The following LEKR1 variants were observed in gnomAD, a reference collection of about 807,000 sequenced individuals.
The protein encoded by LEKR1 is leucine, glutamate and lysine rich 1.
Under a neutral mutation model 72.4 loss-of-function variants are expected in LEKR1, and 59 were observed. The ratio of observed to expected loss-of-function variants is 0.82; its 90% CI spans 0.66 to 1.01. The LOEUF (loss-of-function observed/expected upper bound fraction) is 1.01. LEKR1 is among the 50% of genes least tolerant of loss of function. The pLI, the probability that LEKR1 is intolerant of heterozygous loss-of-function variation, is 0.00. For synonymous variants in LEKR1, 257 were observed against 263.2 expected, an observed-to-expected ratio of 0.98 and a Z score of 0.23; for missense variants, 728 against 759.2, an observed-to-expected ratio of 0.96 and a Z score of 0.48.
chr3:156,892,226 C>T (rs931865130), intron 3 of LEKR1, among the ~76,000 whole-genome samples: 2 of 151,970 alleles, frequency 1.3e-5, no homozygotes, highest in Admixed American at 1.3e-4. Context: ...ATAGAATAGA[C>T]GCCACCAGAC....
chr3:156,977,250 C>G (rs1035194724), intron 6 of LEKR1, among the ~76,000 whole-genome samples: 1 of 152,128 alleles, frequency 6.6e-6, no homozygotes, highest in Non-Finnish European at 1.5e-5. Context: ...ATGGTCTGTC[C>G]CCTTTATGTA....
intron 6 of LEKR1, among the ~76,000 whole-genome samples, chr3:156,958,085 G>A (rs534781433): frequency 2.0e-4 from 31 of 152,206 alleles, no homozygotes; most frequent in African/African-American, 7.5e-4. Context: ...AGGATTATTA[G>A]CCCTATTCTC....
At chr3:156,972,473 C>T (rs942839163) in intron 6 of LEKR1, among the ~76,000 whole-genome samples, 2 of 151,602 alleles carry the variant, frequency 1.3e-5, no homozygotes, top group Non-Finnish European at 2.9e-5. Context: ...TGCACATGTA[C>T]CCTAAAACTT....
At chr3:157,017,559 C>G (rs555239169) in intron 10 of LEKR1, 1 of 152,234 alleles carries the variant, frequency 6.6e-6, no homozygotes, top group South Asian at 2.1e-4. Context: ...TGTGCTCCTC[C>G]CCTGCTAGAA....
At chr3:156,862,954 T>C (rs1447382213) in intron 3 of LEKR1, among the ~76,000 whole-genome samples, 1 of 152,000 alleles carries the variant, frequency 6.6e-6, no homozygotes, top group Non-Finnish European at 1.5e-5. Flanking sequence ...ATTATCAACA[T>C]AGGAGGGAAA....
At chr3:157,002,853 C>T (rs750978824) in intron 9 of LEKR1, among the ~76,000 whole-genome samples, 2 of 152,152 alleles carry the variant, frequency 1.3e-5, no homozygotes, top group African/African-American at 2.4e-5. Flanking sequence ...ATTTTAGCTG[C>T]TATAATCTAC....
chr3:156,996,257 G>T (rs1337814831), intron 9 of LEKR1, among the ~76,000 whole-genome samples: 1 of 152,106 alleles, frequency 6.6e-6, no homozygotes, highest in East Asian at 1.9e-4. Context: ...TTTGGCTAGG[G>T]TGGTCATAAA....
At chr3:156,960,983 C>CTT (rs759178225) in intron 6 of LEKR1, among the ~76,000 whole-genome samples, 11 of 152,182 alleles carry the variant, frequency 7.2e-5, no homozygotes, top group Non-Finnish European at 1.5e-4. Context: ...AGTCAGTCTA[C>CTT]TTAAATGATT....
At chr3:156,990,770 T>A (rs946616487) in intron 7 of LEKR1, among the ~76,000 whole-genome samples, 2 of 152,230 alleles carry the variant, frequency 1.3e-5, no homozygotes, top group Admixed American at 6.5e-5. Flanking sequence ...CATCATCTTT[T>A]GTAAACACTT....
At chr3:156,826,530 A>G (rs1271721315) in intron 1 of LEKR1, 154 bp downstream of exon 1, 1 of 154,286 alleles carries the variant, frequency 6.5e-6, no homozygotes, top group Non-Finnish European at 1.5e-5. Flanking sequence ...CTCCGCCACC[A>G]CGCTCCTCTG....
chr3:156,886,988 T>G (rs1258562319), intron 3 of LEKR1, among the ~76,000 whole-genome samples: 2 of 152,236 alleles, frequency 1.3e-5, no homozygotes, highest in Non-Finnish European at 2.9e-5. Flanking sequence ...TGTCCATCCA[T>G]GTGGGAGCTA....
At chr3:156,941,892 CTAAG>C (rs887369485) in intron 5 of LEKR1, among the ~76,000 whole-genome samples, 1 of 151,884 alleles carries the variant, frequency 6.6e-6, no homozygotes, top group Non-Finnish European at 1.5e-5. Flanking sequence ...ATATTTAAAT[CTAAG>C]TAGAGCTATA....
intron 6 of LEKR1, among the ~76,000 whole-genome samples, chr3:156,959,703 A>C (rs1727944838): frequency 1.3e-5 from 2 of 152,010 alleles, no homozygotes; most frequent in Admixed American, 1.3e-4. Context: ...TTCTTAGGTT[A>C]TCTCTCCTAA....
At chr3:156,901,300 A>C (rs1027137953) in intron 3 of LEKR1, among the ~76,000 whole-genome samples, 1 of 151,504 alleles carries the variant, frequency 6.6e-6, no homozygotes, top group Non-Finnish European at 1.5e-5. Flanking sequence ...AAAGTTCTTC[A>C]TACTTTCCAG....
At chr3:156,910,310 C>T (rs901254615) in intron 3 of LEKR1, among the ~76,000 whole-genome samples, 9 of 152,154 alleles carry the variant, frequency 5.9e-5, no homozygotes, top group African/African-American at 2.2e-4. Flanking sequence ...CTCTAGCAGT[C>T]TCCAGTGGCT....
At position 156,862,499 on chromosome 3, in the gene LEKR1, A is replaced by T. The variant is rs77030187; in HGVS notation, c.263+9517A>T. Among the ~76,000 whole-genome samples, 1,590 of 152,180 alleles carry T rather than the reference A, an allele frequency of 0.01. 94 individuals are homozygous for T. In the East Asian group the frequency reaches 0.16, roughly 15 times the overall value. On this transcript the variant is annotated intron_variant, in intron 3 of 12. Transcript: ENST00000356539. Reference sequence around the variant, plus strand: ...GTGCTTTGGTTTCATCATCTGTAAAATGGACGGAGAAAGAGCTGCTTCACA... The same window carrying T: ...GTGCTTTGGTTTCATCATCTGTAAATTGGACGGAGAAAGAGCTGCTTCACA...
chr3:156,849,763 T>C (rs1715107841), intron 2 of LEKR1, among the ~76,000 whole-genome samples: 6 of 152,168 alleles, frequency 3.9e-5, no homozygotes, highest in Admixed American at 3.9e-4. Context: ...TAATTCAAGA[T>C]GGATTAAAGA....
chr3:156,869,664 C>T (rs1315118959), intron 3 of LEKR1, among the ~76,000 whole-genome samples: 1 of 151,906 alleles, frequency 6.6e-6, no homozygotes, highest in African/African-American at 2.4e-5. Flanking sequence ...ATTGTCTCTT[C>T]ATTCTGTTGA....
chr3:156,938,358 AAG>A (rs1398253588), intron 5 of LEKR1, among the ~76,000 whole-genome samples: 2 of 152,100 alleles, frequency 1.3e-5, no homozygotes, highest in Admixed American at 6.6e-5. Context: ...TCAAAATAAA[AAG>A]TTTTTATGTT....
Sources: allele counts gnomAD v4.1 joint callset (sites outside exome capture counted in the v4.1 genomes callset), GRCh38; gene constraint gnomAD v4.1.1; transcripts MANE v1.5; gene names NCBI Gene and HGNC (gene_info 2026-07-23, HGNC 2026-07-21).